The following ANKRD27 variants were observed in gnomAD, a reference collection of about 807,000 sequenced individuals.
ANKRD27 encodes ankyrin repeat domain 27.
A neutral mutation model predicts 129.7 loss-of-function variants in ANKRD27; 112 were observed. That is an observed-to-expected ratio of 0.86 (90% CI 0.74 to 1.01). The LOEUF is 1.01. Among genes scored for constraint, ANKRD27 ranks in the 50% least tolerant of loss-of-function variants. The probability of loss-of-function intolerance (pLI) is 0.00; values close to 1 mark genes in which losing one functional copy is unlikely to be tolerated. For synonymous variants in ANKRD27, 516 were observed against 511.2 expected (o/e 1.01, Z -0.13); for missense variants, 1,258 against 1,300.5 (o/e 0.97, Z 0.50).
chr19:32,599,867 T>C, intron 27 of ANKRD27, 91 bp from the exon 28 acceptor site: 1 of 1,514,612 alleles, frequency 6.6e-7, no homozygotes, highest in Admixed American at 1.8e-5. Context: ...TTGACATTAG[T>C]AGGTGCAGAT....
chr19:32,601,937 TAAATG>T (rs1971659335), intron 26 of ANKRD27, 73 bp downstream of exon 26: 2 of 891,996 alleles, frequency 2.2e-6, no homozygotes, highest in African/African-American at 1.7e-5. Context: ...CATATACAAT[TAAATG>T]AACACCAGCA....
At chr19:32,627,777 C>T (rs1037083823) in intron 15 of ANKRD27, among the ~76,000 whole-genome samples, 3 of 152,232 alleles carry the variant, frequency 2.0e-5, no homozygotes, top group Admixed American at 6.5e-5. Flanking sequence ...ATTCTGAGAC[C>T]GTTCTCATAG....
chr19:32,626,816 G>A lies in ANKRD27; in HGVS notation c.1432C>T (p.Leu478Phe), dbSNP rs764927915. The A allele has an allele frequency of 2.5e-6, 4 of 1,609,384 alleles. No homozygotes were observed. The highest frequency in any genetic ancestry group is 3.4e-5 in the Admixed American group (2 of 59,328). The change falls in exon 16 of 29, where the codon CTC becomes TTC. Residue 478 changes from leucine to phenylalanine, a missense_variant. Transcript: ENST00000306065. ...CCCTTGGAAACCAGGAGGTCGATGA[G>A]GGATGCCTGCCCTGCAGAGCAGAAG... The part of the protein sequence containing the change: ...HVAAVCGQAS[L>F]IDLLVSKGAM...
At position 32,602,056 on chromosome 19, in the gene ANKRD27, G is replaced by C; in HGVS notation, c.2726C>G (p.Thr909Ser). The C allele has an allele frequency of 1.2e-6, 2 of 1,613,982 alleles. No individual in the cohort carries two copies. The highest frequency in any genetic ancestry group is 1.7e-6 in the Non-Finnish European group (2 of 1,179,948). ...AACAGTGACATACTCCTTGCGGTCA[G>C]TTTCAGCCACATCATCTAATGAAGC... is the stretch of plus-strand genomic sequence containing the variant. ...CVASLDDVAETDRKEYVTVKI... is the reference protein window; with the variant it reads ...CVASLDDVAESDRKEYVTVKI... The change falls in exon 26 of 29, where the codon ACT (threonine) becomes AGT (serine). Residue 909 changes from threonine (T) to serine (S), a missense_variant. Transcript: ENST00000306065.
Position 32,644,321 on chromosome 19 carries a change from T to G in ANKRD27, c.525+4A>C. On this transcript the variant is annotated splice_donor_region_variant and intron_variant, in intron 5 of 28. Coordinates refer to ENST00000306065, the MANE Select transcript of ANKRD27 (RefSeq NM_032139.3). ...GCCAGGCAGAGGACAGCACGGCTACTGACTATGTGGTGACGGAGGCTCTTT... is the reference window on the plus strand; with the variant it reads ...GCCAGGCAGAGGACAGCACGGCTACGGACTATGTGGTGACGGAGGCTCTTT... 6.2e-7 allele frequency: 1 copy of G among 1,611,440 alleles called. No homozygotes were observed. Among genetic ancestry groups the G allele is most frequent in the African/African-American group, 1.3e-5 (1 of 74,968 alleles).
chr19:32,668,968 A>G (rs1967814113), intron 1 of ANKRD27, among the ~76,000 whole-genome samples: 1 of 151,990 alleles, frequency 6.6e-6, no homozygotes, highest in Non-Finnish European at 1.5e-5. Context: ...GATAAATAAG[A>G]GCCATTCATT....
chr19:32,649,163 G>C (rs1316809595), intron 3 of ANKRD27, among the ~76,000 whole-genome samples: 5 of 151,850 alleles, frequency 3.3e-5, no homozygotes, highest in Admixed American at 6.6e-5. Context: ...GGCAGAGATG[G>C]GGTCTCGTTA....
chr19:32,602,216 G>T, intron 25 of ANKRD27, 90 bp from the exon 26 acceptor site: 1 of 814,016 alleles, frequency 1.2e-6, no homozygotes, highest in Non-Finnish European at 2.0e-6. Context: ...CAGTATTAGT[G>T]TGACTGGGCA....
At chr19:32,644,045 T>C (rs1455081646) in intron 5 of ANKRD27, among the ~76,000 whole-genome samples, 2 of 151,966 alleles carry the variant, frequency 1.3e-5, no homozygotes, top group African/African-American at 4.8e-5. Flanking sequence ...TGGCTAATTT[T>C]TGTATTTTCT....
At chr19:32,613,743 C>G (rs1017292837) in intron 22 of ANKRD27, among the ~76,000 whole-genome samples, 4 of 140,212 alleles carry the variant, frequency 2.9e-5, no homozygotes, top group African/African-American at 1.1e-4. Flanking sequence ...GAGTCTTGCT[C>G]TGTTGCCCAG....
chr19:32,670,340 A>G (rs166311), intron 1 of ANKRD27, among the ~76,000 whole-genome samples: 82,366 of 152,142 alleles, frequency 0.54, 23,593 homozygotes, highest in Non-Finnish European at 0.65. Context: ...GTCACATGAA[A>G]AAAAAAGAAG....
intron 1 of ANKRD27, among the ~76,000 whole-genome samples, chr19:32,668,475 CTT>C (rs71176144): frequency 0.28 from 39,985 of 141,550 alleles, 6,799 homozygotes; most frequent in Non-Finnish European, 0.4. Flanking sequence ...TTATCTTCAT[CTT>C]TTTTTTTTTT....
chr19:32,640,837 A>T (rs1011615086), intron 10 of ANKRD27, among the ~76,000 whole-genome samples: 2 of 152,132 alleles, frequency 1.3e-5, no homozygotes, highest in Non-Finnish European at 2.9e-5. Flanking sequence ...CCAGGAGTTC[A>T]AGGATGTAGT....
chr19:32,669,278 G>A (rs1967821006), intron 1 of ANKRD27, among the ~76,000 whole-genome samples: 1 of 152,166 alleles, frequency 6.6e-6, no homozygotes, highest in Non-Finnish European at 1.5e-5. Context: ...AGGGAGAAGA[G>A]ACTAACATAA....
chr19:32,627,275 A>G (rs540943207), intron 15 of ANKRD27, among the ~76,000 whole-genome samples: 5 of 151,998 alleles, frequency 3.3e-5, no homozygotes, highest in African/African-American at 9.6e-5. Context: ...CACCCCAGAC[A>G]CTCATCAATC....
chr19:32,609,284 T>C (rs1971798469), intron 22 of ANKRD27, among the ~76,000 whole-genome samples: 1 of 149,650 alleles, frequency 6.7e-6, no homozygotes, highest in African/African-American at 2.6e-5. Flanking sequence ...CCTAGGTGTT[T>C]ACCCAACAAC....
intron 4 of ANKRD27, among the ~76,000 whole-genome samples, 188 bp from the exon 5 acceptor site, chr19:32,644,667 T>C (rs1967268579): frequency 1.3e-5 from 2 of 152,224 alleles, no homozygotes; most frequent in African/African-American, 4.8e-5. Flanking sequence ...GGCCTCTTCC[T>C]GGGACAAAAC....
Position 32,599,944 on chromosome 19 carries a change from C to T in ANKRD27, c.2846+28G>A, listed in dbSNP as rs368592113. 9.0e-5 allele frequency: 144 copies of T among 1,595,966 alleles called. 1 individual carries two copies. Among genetic ancestry groups the T allele is most frequent in the Admixed American group, 6.8e-5 (4 of 59,156 alleles). ...TTGGAGTAAACTAGGGGCAAAAGCA[C>T]AGAAATCAACTTGAGTTTCATACTC... On this transcript the variant is annotated intron_variant, in intron 27 of 28. Transcript: ENST00000306065.
intron 25 of ANKRD27, 76 bp downstream of exon 25, chr19:32,604,187 C>T (rs919003634): frequency 1.4e-6 from 2 of 1,472,742 alleles, no homozygotes; most frequent in African/African-American, 1.4e-5. Flanking sequence ...ATTTTAGATC[C>T]AGCTTAAACA....
Sources: allele counts gnomAD v4.1 joint callset (sites outside exome capture counted in the v4.1 genomes callset), GRCh38; gene constraint gnomAD v4.1.1; transcripts MANE v1.5; gene names NCBI Gene and HGNC (gene_info 2026-07-23, HGNC 2026-07-21).